The following SV2C variants were observed in gnomAD, a reference collection of about 807,000 sequenced individuals.
SV2C encodes solute carrier family 22 member B3.
A neutral mutation model predicts 79.7 loss-of-function variants in SV2C; 49 were observed. That is an observed-to-expected ratio of 0.61 (90% CI 0.49 to 0.78). SV2C has a LOEUF of 0.78. Among genes scored for constraint, SV2C ranks in the 30% least tolerant of loss-of-function variants. SV2C has a pLI of 0.00. For missense variants in SV2C, 833 were observed against 912.9 expected, an observed-to-expected ratio of 0.91 and a Z score of 1.13; for synonymous variants, 334 against 333.2, an observed-to-expected ratio of 1.00 and a Z score of -0.03.
intron 12 of SV2C, among the ~76,000 whole-genome samples, chr5:76,315,188 G>GCACACACACA (rs10606819): frequency 4.1e-5 from 6 of 145,096 alleles, no homozygotes; most frequent in African/African-American, 1.5e-4. Flanking sequence ...ATGGCCAGGC[G>GCACACACACA]CACACACACA....
At chr5:76,052,782 A>G in the SV2C span, among the ~76,000 whole-genome samples, 3 of 152,276 alleles carry the variant, frequency 2.0e-5, no homozygotes, top group African/African-American at 7.2e-5. Context: ...CAACAAAGCA[A>G]CTCTGAAAAC....
At chr5:75,862,328 T>C in the SV2C span, among the ~76,000 whole-genome samples, 182 of 152,290 alleles carry the variant, frequency 1.2e-3, no homozygotes, top group Non-Finnish European at 2.1e-3. Context: ...ATCAGTTGTA[T>C]TGGGGAGGCA....
At chr5:76,249,461 T>G (rs1746047223) in intron 4 of SV2C, among the ~76,000 whole-genome samples, 1 of 152,208 alleles carries the variant, frequency 6.6e-6, no homozygotes, top group Non-Finnish European at 1.5e-5. Flanking sequence ...AGTCCCATTA[T>G]CCATTAAATA....
chr5:76,258,317 G>A (rs1746357451), intron 4 of SV2C, among the ~76,000 whole-genome samples: 2 of 152,030 alleles, frequency 1.3e-5, no homozygotes, highest in African/African-American at 4.8e-5. Context: ...AGAAGGACAT[G>A]GGCAGGGGGC....
the SV2C span, chr5:75,910,662 A>G: frequency 1.1e-5 from 12 of 1,098,154 alleles, no homozygotes; most frequent in Non-Finnish European, 1.6e-5. Flanking sequence ...CAGAATGCCA[A>G]GAAGAAAGAC....
chr5:76,011,354 C>G, the SV2C span, among the ~76,000 whole-genome samples: 2 of 152,106 alleles, frequency 1.3e-5, no homozygotes, highest in African/African-American at 4.8e-5. Context: ...ATAGCTAGTT[C>G]TCCCATTCTG....
chr5:76,342,197 A>C (rs925257422), intron 12 of SV2C, among the ~76,000 whole-genome samples: 13 of 152,154 alleles, frequency 8.5e-5, no homozygotes, highest in African/African-American at 3.1e-4. Context: ...CCGTGAGTAC[A>C]CAGTACAGAG....
the SV2C span, among the ~76,000 whole-genome samples, chr5:76,055,543 G>T: frequency 1.3e-5 from 2 of 152,196 alleles, no homozygotes; most frequent in East Asian, 3.9e-4. Flanking sequence ...AGATGTCAAT[G>T]GTAGTTTGAT....
chr5:76,265,991 G>C (rs1017300331), intron 4 of SV2C, among the ~76,000 whole-genome samples: 1 of 152,068 alleles, frequency 6.6e-6, no homozygotes, highest in Non-Finnish European at 1.5e-5. Flanking sequence ...ACAGGCTATG[G>C]CAGGGGAACC....
chr5:75,905,594 G>C, the SV2C span, among the ~76,000 whole-genome samples: 3 of 152,116 alleles, frequency 2.0e-5, no homozygotes, highest in African/African-American at 7.2e-5. Flanking sequence ...GAGTACAGAA[G>C]AGAGGGATAG....
rs539491662 is a variant in SV2C at position 76,191,857 on chromosome 5, A to C, written c.581-3062A>C. ...ACCTCCTGAAATCCCAGCTGAATTA[A>C]AGTCTTCATTAAATTCATGAAAGGA... On this transcript the variant is annotated intron_variant, in intron 2 of 12. Transcript: ENST00000502798. Among the ~76,000 whole-genome samples, 8 of 152,324 alleles carry C rather than the reference A, an allele frequency of 5.3e-5. No individual in the cohort carries two copies. The South Asian group carries it at 8.3e-4, about 16-fold the overall frequency.
the SV2C span, among the ~76,000 whole-genome samples, chr5:76,042,578 C>G: frequency 6.6e-6 from 1 of 152,162 alleles, no homozygotes; most frequent in African/African-American, 2.4e-5. Flanking sequence ...TGCCTCTGTC[C>G]TCATCTCTTG....
chr5:75,972,481 G>GA, the SV2C span, among the ~76,000 whole-genome samples: 2 of 151,820 alleles, frequency 1.3e-5, no homozygotes, highest in Non-Finnish European at 2.9e-5. Flanking sequence ...AAATTTACAA[G>GA]AAAAAAACAA....
chr5:76,189,260 G>A (rs1744024149), intron 2 of SV2C, among the ~76,000 whole-genome samples: 1 of 151,838 alleles, frequency 6.6e-6, no homozygotes, highest in Non-Finnish European at 1.5e-5. Flanking sequence ...ACACTGATGT[G>A]TAAGCTTTCA....
chr5:75,920,870 G>T, the SV2C span: 1 of 759,034 alleles, frequency 1.3e-6, no homozygotes, highest in Non-Finnish European at 2.5e-6. Flanking sequence ...TATTGTAATG[G>T]GCTGGGTCAG....
At chr5:76,247,751 T>C (rs186301234) in intron 4 of SV2C, among the ~76,000 whole-genome samples, 33 of 152,338 alleles carry the variant, frequency 2.2e-4, no homozygotes, top group African/African-American at 7.0e-4. Context: ...GGACCAAAAG[T>C]AGTCTTTCTT....
At chr5:76,063,000 C>G in the SV2C span, among the ~76,000 whole-genome samples, 2 of 152,146 alleles carry the variant, frequency 1.3e-5, no homozygotes, top group African/African-American at 4.8e-5. Context: ...TGCCCTTCCT[C>G]CTGAGATGGT....
chr5:76,002,047 A>G, the SV2C span, among the ~76,000 whole-genome samples: 5 of 151,884 alleles, frequency 3.3e-5, no homozygotes, highest in Non-Finnish European at 5.9e-5. Context: ...AGAACGTACA[A>G]TGGTTGATTT....
chr5:76,065,088 T>A, the SV2C span, among the ~76,000 whole-genome samples: 1 of 152,214 alleles, frequency 6.6e-6, no homozygotes, highest in African/African-American at 2.4e-5. Flanking sequence ...ATTCTCTGAA[T>A]GTTTTGGTTC....
Sources: gnomAD v4.1 joint callset for allele counts (sites outside exome capture counted in the v4.1 genomes callset) on GRCh38, gnomAD v4.1.1 for gene constraint, MANE v1.5 for transcripts, NCBI Gene and HGNC (gene_info 2026-07-23, HGNC 2026-07-21) for gene names.